The following F13A1 variants were observed in gnomAD, a reference collection of about 807,000 sequenced individuals.
F13A1 encodes the protein coagulation factor XIII A chain, also known as FSF, A subunit.
Under a neutral mutation model 80.1 loss-of-function variants are expected in F13A1, and 47 were observed. The ratio of observed to expected loss-of-function variants is 0.59; its 90% CI spans 0.46 to 0.75. F13A1 has a LOEUF of 0.75. Ranked by LOEUF, F13A1 falls within the 30% of genes least tolerant of loss-of-function variation. The pLI is 0.00. For missense variants in F13A1, 817 were observed against 930.4 expected (o/e 0.88, Z 1.59); for synonymous variants, 349 against 344.9 (o/e 1.01, Z -0.13).
chr6:6,260,906 G>C (rs541572457), intron 4 of F13A1, among the ~76,000 whole-genome samples: 1 of 152,166 alleles, frequency 6.6e-6, no homozygotes, highest in Non-Finnish European at 1.5e-5. Flanking sequence ...ATTAGGTTCA[G>C]GGTAGAGCCA....
intron 6 of F13A1, among the ~76,000 whole-genome samples, chr6:6,230,506 T>C (rs1231722785): frequency 6.6e-6 from 1 of 152,140 alleles, no homozygotes; most frequent in African/African-American, 2.4e-5. Context: ...CTTTCCTACC[T>C]ACCCTGCTAG....
At chr6:6,146,847 AT>A (rs1212790950) in intron 14 of F13A1, among the ~76,000 whole-genome samples, 1 of 152,212 alleles carries the variant, frequency 6.6e-6, no homozygotes, top group Non-Finnish European at 1.5e-5. Context: ...TTTTTCTAAG[AT>A]ATTTGCACAC....
Position 6,197,210 on chromosome 6 carries a change from GAC to G in F13A1, c.1216+11_1216+12del. 6.2e-7 allele frequency: 1 copy of G among 1,611,854 alleles called. No individual in the cohort carries two copies. Among genetic ancestry groups the G allele is most frequent in the Non-Finnish European group, 8.5e-7 (1 of 1,178,032 alleles). On this transcript the variant is annotated intron_variant, in intron 9 of 14. Transcript: ENST00000264870. ...CAATGAAGCAAGTTCCCAGAGGGAG[GAC>G]ACAGTTTTACCATCGCTATTTTCCT...
chr6:6,196,676 T>TG (rs1761297221), intron 9 of F13A1, among the ~76,000 whole-genome samples: 1 of 152,196 alleles, frequency 6.6e-6, no homozygotes, highest in African/African-American at 2.4e-5. Context: ...TGGAGGCTTA[T>TG]GATGTGATTT....
At chr6:6,281,248 A>AATTTCACTCATTGC (rs1275710781) in intron 3 of F13A1, among the ~76,000 whole-genome samples, 1 of 152,260 alleles carries the variant, frequency 6.6e-6, no homozygotes, top group Non-Finnish European at 1.5e-5. Context: ...AAATTGCCAT[A>AATTTCACTCATTGC]ATAGAATTTC....
chr6:6,311,516 C>A (rs1199451432), intron 2 of F13A1, among the ~76,000 whole-genome samples: 2 of 82,644 alleles, frequency 2.4e-5, no homozygotes, highest in Non-Finnish European at 4.5e-5. Flanking sequence ...AATAGAAAAC[C>A]TAAGTCAAAA....
intron 3 of F13A1, among the ~76,000 whole-genome samples, chr6:6,294,920 G>A (rs1758298682): frequency 8.2e-6 from 1 of 121,930 alleles, no homozygotes; most frequent in Non-Finnish European, 1.6e-5. Context: ...ACAGGCCCCA[G>A]AGTGTGATGT....
intron 6 of F13A1, among the ~76,000 whole-genome samples, chr6:6,238,241 T>C (rs544782717): frequency 6.6e-6 from 1 of 152,296 alleles, no homozygotes; most frequent in East Asian, 1.9e-4. Flanking sequence ...AAGAAACTCT[T>C]TGCAACGAAT....
chr6:6,159,110 C>A (rs1760529973), intron 13 of F13A1, among the ~76,000 whole-genome samples: 1 of 152,028 alleles, frequency 6.6e-6, no homozygotes. Flanking sequence ...ACCGTGTTAG[C>A]CAGGATGGTC....
chr6:6,217,486 T>C (rs963607802), intron 8 of F13A1, among the ~76,000 whole-genome samples: 4 of 131,602 alleles, frequency 3.0e-5, no homozygotes, highest in Admixed American at 9.3e-5. Context: ...AATGAGAACA[T>C]ATGGACACAG....
chr6:6,291,389 C>T (rs1041836404), intron 3 of F13A1, among the ~76,000 whole-genome samples: 1 of 152,148 alleles, frequency 6.6e-6, no homozygotes, highest in South Asian at 2.1e-4. Context: ...AAACACCCCT[C>T]CTCTCACCCA....
chr6:6,243,497 T>C lies in F13A1; in HGVS notation c.798+4815A>G, dbSNP rs1757514006. On this transcript the variant is annotated intron_variant, in intron 6 of 14. Coordinates refer to ENST00000264870, the MANE Select transcript of F13A1 (RefSeq NM_000129.4). The surrounding 1 kb of genome is among the most constrained non-coding windows in gnomAD (Gnocchi z 4.2). ...GATACCTTTCTTCACTTATTCCCCA[T>C]TTTCAATAATTTGCCTCATCTGGGC... Among the ~76,000 whole-genome samples the C allele has an allele frequency of 6.6e-6, 1 of 152,212 alleles. No homozygotes were observed. The highest frequency in any genetic ancestry group is 1.5e-5 in the Non-Finnish European group (1 of 68,036).
intron 6 of F13A1, among the ~76,000 whole-genome samples, chr6:6,241,954 A>T (rs1195951600): frequency 6.6e-6 from 1 of 152,208 alleles, no homozygotes; most frequent in Non-Finnish European, 1.5e-5. Flanking sequence ...CAATTGAAAG[A>T]AAATGAACAA....
intron 6 of F13A1, among the ~76,000 whole-genome samples, chr6:6,228,019 C>A (rs556428748): frequency 2.0e-5 from 3 of 152,140 alleles, no homozygotes; most frequent in Non-Finnish European, 2.9e-5. Flanking sequence ...TCATAAGCAA[C>A]AAGATATGTT....
At chr6:6,272,239 A>G (rs1757931018) in intron 3 of F13A1, among the ~76,000 whole-genome samples, 1 of 152,226 alleles carries the variant, frequency 6.6e-6, no homozygotes, top group African/African-American at 2.4e-5. Flanking sequence ...TTTTTACATT[A>G]AAAATACAAT....
chr6:6,279,190 G>A (rs1758028158), intron 3 of F13A1, among the ~76,000 whole-genome samples: 1 of 152,166 alleles, frequency 6.6e-6, no homozygotes, highest in South Asian at 2.1e-4. Flanking sequence ...GCCACCAGAA[G>A]CACAAAGTTC....
intron 10 of F13A1, among the ~76,000 whole-genome samples, chr6:6,185,670 C>T (rs985496783): frequency 7.9e-5 from 12 of 151,662 alleles, no homozygotes; most frequent in South Asian, 2.1e-4. Context: ...TGAATAATGC[C>T]GCAATAAACA....
At chr6:6,308,362 T>C (rs1462947301) in intron 2 of F13A1, among the ~76,000 whole-genome samples, 1 of 152,092 alleles carries the variant, frequency 6.6e-6, no homozygotes, top group Non-Finnish European at 1.5e-5. Flanking sequence ...AGAACTTTTA[T>C]CCAACGCTCT....
chr6:6,223,534 G>C (rs1757229834), intron 7 of F13A1, among the ~76,000 whole-genome samples: 1 of 152,124 alleles, frequency 6.6e-6, no homozygotes, highest in South Asian at 2.1e-4. Context: ...GAACTTCAGA[G>C]ACCAGTGCTT....
Sources: allele counts gnomAD v4.1 joint callset (sites outside exome capture counted in the v4.1 genomes callset), GRCh38; gene constraint gnomAD v4.1.1; non-coding constraint Gnocchi (gnomAD v3.1); transcripts MANE v1.5; gene names NCBI Gene and HGNC (gene_info 2026-07-23, HGNC 2026-07-21).